The following NRG3 variants were observed in gnomAD, a reference collection of about 807,000 sequenced individuals.
The protein encoded by NRG3 is neuregulin 3.
A neutral mutation model predicts 66.9 loss-of-function variants in NRG3; 31 were observed. That is an observed-to-expected ratio of 0.46 (90% CI 0.35 to 0.63). The LOEUF is 0.63. NRG3 is among the 20% of genes least tolerant of loss of function. NRG3 has a pLI of 0.00. For missense variants in NRG3, 910 were observed against 878.9 expected, an observed-to-expected ratio of 1.04 and a Z score of -0.45; for synonymous variants, 393 against 359.4, an observed-to-expected ratio of 1.09 and a Z score of -1.06.
intron 1 of NRG3, among the ~76,000 whole-genome samples, chr10:81,969,191 A>G (rs911217464): frequency 6.6e-5 from 10 of 152,178 alleles, no homozygotes; most frequent in African/African-American, 2.4e-4. Context: ...CTCCCCTGCC[A>G]CCACCAGCAG....
intron 3 of NRG3, among the ~76,000 whole-genome samples, chr10:82,788,917 T>A (rs1260173915): frequency 6.6e-6 from 1 of 152,186 alleles, no homozygotes; most frequent in Non-Finnish European, 1.5e-5. Context: ...AATGTATGTA[T>A]ACGCTACATA....
At chr10:82,641,014 T>G (rs2050539867) in intron 2 of NRG3, among the ~76,000 whole-genome samples, 1 of 10,960 alleles carries the variant, frequency 9.1e-5, no homozygotes, top group Non-Finnish European at 2.1e-4. Flanking sequence ...TCTGTCGTTT[T>G]TTTTTTTTTT....
intron 2 of NRG3, among the ~76,000 whole-genome samples, chr10:82,682,432 G>GATAGATAGATAGAT (rs1307148671): frequency 3.7e-4 from 55 of 149,848 alleles, no homozygotes; most frequent in African/African-American, 1.3e-3. Context: ...TAGATAGATA[G>GATAGATAGATAGAT]ATAGATAATA....
chr10:82,664,547 TAA>T (rs2052613376), intron 2 of NRG3, among the ~76,000 whole-genome samples: 3 of 152,318 alleles, frequency 2.0e-5, no homozygotes, highest in Admixed American at 2.0e-4. Context: ...ACAAGCTATT[TAA>T]AGTTATCATA....
At chr10:82,420,309 A>G (rs576994420) in intron 2 of NRG3, among the ~76,000 whole-genome samples, 1 of 152,156 alleles carries the variant, frequency 6.6e-6, no homozygotes, top group Non-Finnish European at 1.5e-5. Context: ...CAGAAGTCAT[A>G]ATTAGGGATG....
At chr10:82,748,123 C>A (rs2058717753) in intron 3 of NRG3, among the ~76,000 whole-genome samples, 1 of 151,228 alleles carries the variant, frequency 6.6e-6, no homozygotes, top group Non-Finnish European at 1.5e-5. Flanking sequence ...AGGGGTAACA[C>A]CATGAGAGTA....
intron 3 of NRG3, among the ~76,000 whole-genome samples, chr10:82,748,603 ATTAT>A (rs970261177): frequency 6.7e-6 from 1 of 149,022 alleles, no homozygotes; most frequent in African/African-American, 2.4e-5. Context: ...ATATTATTAT[ATTAT>A]TTATTTTTAA....
chr10:82,124,204 A>G (rs1375760765), intron 1 of NRG3, among the ~76,000 whole-genome samples: 1 of 152,004 alleles, frequency 6.6e-6, no homozygotes, highest in Non-Finnish European at 1.5e-5. Context: ...GGATAGCGTT[A>G]TGGAGAATTG....
chr10:82,226,412 G>A (rs2076166195), intron 1 of NRG3, among the ~76,000 whole-genome samples: 1 of 152,128 alleles, frequency 6.6e-6, no homozygotes, highest in African/African-American at 2.4e-5. Context: ...GGCATTTTCT[G>A]GAGGCACACC....
At chr10:82,577,737 A>G (rs372770705) in intron 2 of NRG3, among the ~76,000 whole-genome samples, 39 of 151,756 alleles carry the variant, frequency 2.6e-4, no homozygotes, top group African/African-American at 8.5e-4. Context: ...CTGTTCATCT[A>G]TGTTAATGGA....
intron 1 of NRG3, among the ~76,000 whole-genome samples, chr10:82,106,894 A>G (rs960868245): frequency 1.3e-5 from 2 of 152,200 alleles, no homozygotes; most frequent in African/African-American, 4.8e-5. Flanking sequence ...AAGAGAAATG[A>G]AAACAATCTT....
chr10:82,881,401 C>T (rs1842288057), intron 4 of NRG3, among the ~76,000 whole-genome samples: 2 of 152,208 alleles, frequency 1.3e-5, no homozygotes, highest in African/African-American at 4.8e-5. Context: ...TATCTGTTCA[C>T]TACCCATTCA....
chr10:82,095,457 A>T (rs1432207681), intron 1 of NRG3, among the ~76,000 whole-genome samples: 6 of 152,192 alleles, frequency 3.9e-5, no homozygotes, highest in African/African-American at 1.4e-4. Context: ...AAGGCTGGGG[A>T]GGGGCAGAAA....
At chr10:82,604,792 C>G (rs1366608582) in intron 2 of NRG3, among the ~76,000 whole-genome samples, 1 of 152,106 alleles carries the variant, frequency 6.6e-6, no homozygotes, top group Non-Finnish European at 1.5e-5. Context: ...TGAACTTAAA[C>G]AGGCAAATTT....
At chr10:82,468,284 G>C (rs1198328604) in intron 2 of NRG3, among the ~76,000 whole-genome samples, 1 of 152,152 alleles carries the variant, frequency 6.6e-6, no homozygotes, top group Non-Finnish European at 1.5e-5. Flanking sequence ...GCATGAGAAG[G>C]GTGGGCGCCT....
intron 2 of NRG3, among the ~76,000 whole-genome samples, chr10:82,392,982 A>G (rs530117341): frequency 2.6e-5 from 4 of 152,046 alleles, no homozygotes; most frequent in Non-Finnish European, 5.9e-5. Context: ...TTGTTGAAGA[A>G]TGTCTGTAGA....
intron 2 of NRG3, among the ~76,000 whole-genome samples, chr10:82,660,649 A>G (rs972918361): frequency 5.3e-5 from 8 of 152,140 alleles, no homozygotes; most frequent in African/African-American, 1.9e-4. Flanking sequence ...TTTACATGGA[A>G]CCGTACTGAG....
intron 4 of NRG3, among the ~76,000 whole-genome samples, chr10:82,879,958 CTTT>C (rs35159008): frequency 3.8e-5 from 3 of 78,458 alleles, no homozygotes; most frequent in South Asian, 5.2e-4. Context: ...GATTTCATCC[CTTT>C]TTTTTTTTTT....
At chr10:82,724,260 G>C (rs377072144) in intron 2 of NRG3, among the ~76,000 whole-genome samples, 95 of 150,592 alleles carry the variant, frequency 6.3e-4, no homozygotes, top group African/African-American at 2.3e-3. Context: ...TTTCATCTCA[G>C]TCTGAGGTAC....
Sources: gnomAD v4.1 joint callset for allele counts (sites outside exome capture counted in the v4.1 genomes callset) on GRCh38, gnomAD v4.1.1 for gene constraint, MANE v1.5 for transcripts, NCBI Gene and HGNC (gene_info 2026-07-23, HGNC 2026-07-21) for gene names.